ADGRV1: variants seen among roughly 807,000 people sequenced by gnomAD.
The protein encoded by ADGRV1 is adhesion G protein-coupled receptor V1, also known as G-protein coupled receptor 98.
A neutral mutation model predicts 596.2 loss-of-function variants in ADGRV1; 359 were observed. The observed-to-expected ratio is 0.60, with a 90% CI of 0.55 to 0.66. The LOEUF (loss-of-function observed/expected upper bound fraction) is 0.66. ADGRV1 is among the 30% of genes least tolerant of loss of function. ADGRV1 has a pLI of 0.00. For synonymous variants in ADGRV1, 2,681 were observed against 2,679.2 expected, an observed-to-expected ratio of 1.00 and a Z score of -0.02; for missense variants, 7,274 against 7,575.6, an observed-to-expected ratio of 0.96 and a Z score of 1.48.
intron 21 of ADGRV1, among the ~76,000 whole-genome samples, chr5:90,669,875 T>C (rs548284262): frequency 1.3e-4 from 20 of 152,334 alleles, no homozygotes; most frequent in South Asian, 6.2e-4. Context: ...ATCAATTGCA[T>C]TGGAACAATT....
chr5:91,060,870 G>A (rs1262312894), intron 85 of ADGRV1, among the ~76,000 whole-genome samples: 1 of 152,184 alleles, frequency 6.6e-6, no homozygotes, highest in East Asian at 1.9e-4. Flanking sequence ...TCTCTAAAAT[G>A]TGATGAATAA....
chr5:90,691,049 G>A lies in ADGRV1; in HGVS notation c.6951+8G>A, dbSNP rs546812149. On this transcript the variant is annotated splice_region_variant and intron_variant, in intron 31 of 89. Transcript: ENST00000405460. ...GTTCCGGAGATTGAAGAGGTGAGAG[G>A]ACTGGCTAGTATAGAATGACACTGT... 6.2e-7 allele frequency: 1 copy of A among 1,613,528 alleles called. No individual in the cohort carries two copies. Among genetic ancestry groups the A allele is most frequent in the South Asian group, 1.1e-5 (1 of 91,030 alleles).
At chr5:90,719,835 T>C (rs1750678894) in intron 43 of ADGRV1, among the ~76,000 whole-genome samples, 1 of 152,224 alleles carries the variant, frequency 6.6e-6, no homozygotes, top group South Asian at 2.1e-4. Flanking sequence ...TTTTGGACAC[T>C]TTAGTGCAGT....
intron 76 of ADGRV1, among the ~76,000 whole-genome samples, chr5:90,827,417 G>T (rs1388717588): frequency 6.6e-6 from 1 of 152,096 alleles, no homozygotes; most frequent in Non-Finnish European, 1.5e-5. Flanking sequence ...TCTTTACACT[G>T]TTCAATTTCA....
At position 90,827,658 on chromosome 5, in the gene ADGRV1, A is replaced by G. The variant is rs987046682; in HGVS notation, c.16369-1286A>G. On this transcript the variant is annotated intron_variant, in intron 76 of 89. Coordinates refer to ENST00000405460, the MANE Select transcript of ADGRV1 (RefSeq NM_032119.4). ...CTTTGATAGTGCTTTAGTTTATTGT[A>G]TTTGCCAAATGTAGTTTCTCAAAAG... 3.9e-5 allele frequency among the ~76,000 whole-genome samples: 6 copies of G among 152,152 alleles called. No individual in the cohort carries two copies. The South Asian group carries it at 6.2e-4, about 16-fold the overall frequency.
In ADGRV1 at chr5:91,036,747, T is replaced by G. The variant is rs559493927; in HGVS notation, c.18153-35700T>G. Among the ~76,000 whole-genome samples, 5 of 152,108 alleles carry G rather than the reference T, an allele frequency of 3.3e-5. No homozygotes were observed. The South Asian group carries it at 8.3e-4, about 25-fold the overall frequency. On this transcript the variant is annotated intron_variant, in intron 85 of 89. Transcript: ENST00000405460. ...CAAAAACTATATATATTATTAATTG[T>G]TTTTAAAAGGAACTATGTTAAAGTA... is the stretch of plus-strand genomic sequence containing the variant.
In ADGRV1 at chr5:90,895,458, C is replaced by G. The variant is rs965898514; in HGVS notation, c.17856+31601C>G. 5.3e-5 allele frequency among the ~76,000 whole-genome samples: 8 copies of G among 152,200 alleles called. No homozygotes were observed. The South Asian group carries it at 1.2e-3, about 24-fold the overall frequency. Reference sequence around the variant, plus strand: ...GTCTTGACAGAGAAAACAACAGGTGCAAAGGCCCAGAGGCCTGAAAAAGCT... The same window carrying G: ...GTCTTGACAGAGAAAACAACAGGTGGAAAGGCCCAGAGGCCTGAAAAAGCT... On this transcript the variant is annotated intron_variant, in intron 83 of 89. Coordinates refer to ENST00000405460, the MANE Select transcript of ADGRV1 (RefSeq NM_032119.4).
chr5:90,966,241 G>GAGTC (rs1778444427), intron 84 of ADGRV1, among the ~76,000 whole-genome samples: 1 of 152,110 alleles, frequency 6.6e-6, no homozygotes, highest in Admixed American at 6.6e-5. Context: ...TGGGAACTTT[G>GAGTC]AGGAGAGGGC....
intron 85 of ADGRV1, among the ~76,000 whole-genome samples, chr5:91,005,082 G>C (rs1212420335): frequency 6.6e-6 from 1 of 152,012 alleles, no homozygotes; most frequent in Non-Finnish European, 1.5e-5. Context: ...AAATTTAAGT[G>C]GATATTTTGT....
At chr5:91,155,911 C>T (rs1417822300) in intron 89 of ADGRV1, among the ~76,000 whole-genome samples, 1 of 152,124 alleles carries the variant, frequency 6.6e-6, no homozygotes, top group Admixed American at 6.5e-5. Flanking sequence ...GAGATTAAGG[C>T]CTCAAATCTG....
At chr5:90,630,861 T>C (rs574591259) in intron 9 of ADGRV1, among the ~76,000 whole-genome samples, 259 of 152,294 alleles carry the variant, frequency 1.7e-3, no homozygotes, top group African/African-American at 5.9e-3. Flanking sequence ...TGTTGAATGT[T>C]GAGTTTAGCT....
chr5:90,954,964 C>G (rs892795148), intron 83 of ADGRV1, among the ~76,000 whole-genome samples: 1 of 151,824 alleles, frequency 6.6e-6, no homozygotes, highest in Non-Finnish European at 1.5e-5. Context: ...GAGATGGGGC[C>G]TTTATTTGGG....
intron 83 of ADGRV1, among the ~76,000 whole-genome samples, chr5:90,953,481 T>C (rs528368634): frequency 1.1e-4 from 16 of 152,164 alleles, no homozygotes; most frequent in Non-Finnish European, 2.1e-4. Flanking sequence ...TGCTTCTTTC[T>C]CCAATTCTGG....
intron 83 of ADGRV1, among the ~76,000 whole-genome samples, chr5:90,892,452 A>C (rs1326470914): frequency 4.6e-5 from 7 of 152,124 alleles, no homozygotes; most frequent in Non-Finnish European, 1.0e-4. Context: ...TAACCATTTG[A>C]AAATTAGGTC....
intron 85 of ADGRV1, among the ~76,000 whole-genome samples, chr5:91,051,825 A>G (rs1242036337): frequency 6.6e-6 from 1 of 152,120 alleles, no homozygotes; most frequent in Non-Finnish European, 1.5e-5. Context: ...GAGCATCTAT[A>G]TTTGGCATCC....
chr5:91,122,958 C>T (rs986523813), intron 87 of ADGRV1, among the ~76,000 whole-genome samples: 1 of 152,218 alleles, frequency 6.6e-6, no homozygotes, highest in Non-Finnish European at 1.5e-5. Context: ...GTTTCTCCTA[C>T]TCCTGGAGCG....
chr5:90,581,693 C>T (rs1056251397), intron 1 of ADGRV1, among the ~76,000 whole-genome samples: 9 of 152,286 alleles, frequency 5.9e-5, no homozygotes, highest in Non-Finnish European at 1.0e-4. Context: ...TTAGGCCACA[C>T]GGGGCTCTGG....
At chr5:90,925,058 G>C (rs920858560) in intron 83 of ADGRV1, among the ~76,000 whole-genome samples, 1 of 151,982 alleles carries the variant, frequency 6.6e-6, no homozygotes, top group South Asian at 2.1e-4. Flanking sequence ...TTTGAAGTCA[G>C]GTAGTGTGAT....
rs1378861572 is a variant in ADGRV1, at chr5:90,863,953, A to G, written c.17856+96A>G. On this transcript the variant is annotated intron_variant, in intron 83 of 89. Coordinates refer to ENST00000405460, the MANE Select transcript of ADGRV1 (RefSeq NM_032119.4). ...AGTGTAAAAGTAAAGTTTAATCTCA[A>G]CTTAGTTGAAATAAACTTGTTTAGT... is the stretch of plus-strand genomic sequence containing the variant. 3 of 782,990 alleles carry G rather than the reference A, an allele frequency of 3.8e-6. No homozygotes were observed. In the Admixed American group the frequency reaches 6.8e-5, roughly 18 times the overall value. 48.5% of individuals were successfully genotyped at this position (782,990 alleles called of 1,614,324 possible). A position where few individuals can be genotyped will look rare whatever the true frequency, so the allele number is the denominator to read the frequency against.
Sources: allele counts gnomAD v4.1 joint callset (sites outside exome capture counted in the v4.1 genomes callset), GRCh38; gene constraint gnomAD v4.1.1; transcripts MANE v1.5; gene names NCBI Gene and HGNC (gene_info 2026-07-23, HGNC 2026-07-21).